Variants in EEIG2 observed in about 807,000 individuals in gnomAD.
EEIG2 encodes EEIG family member 2, also known as family with sequence similarity 102 member B.
the EEIG2 span, among the ~76,000 whole-genome samples, chr1:108,592,681 A>G: frequency 4.6e-5 from 7 of 152,188 alleles, no homozygotes; most frequent in African/African-American, 1.4e-4. Context: ...TTTCGTCTGT[A>G]TACTTAAATG....
chr1:108,600,410 T>C, the EEIG2 span, among the ~76,000 whole-genome samples: 4 of 152,202 alleles, frequency 2.6e-5, no homozygotes, highest in Non-Finnish European at 4.4e-5. Context: ...TCAGATCACA[T>C]TGTTAGGAAT....
chr1:108,626,424 C>T, the EEIG2 span: 1 of 152,178 alleles, frequency 6.6e-6, no homozygotes, highest in Non-Finnish European at 1.5e-5. Context: ...TAGGCATCCT[C>T]AGGTGTCTCT....
At chr1:108,636,235 C>T in the EEIG2 span, 1 of 152,154 alleles carries the variant, frequency 6.6e-6, no homozygotes, top group Admixed American at 6.5e-5. Context: ...AATAAGAATA[C>T]CTGGTCTGGA....
At chr1:108,603,503 G>C in the EEIG2 span, among the ~76,000 whole-genome samples, 2 of 152,194 alleles carry the variant, frequency 1.3e-5, no homozygotes, top group Admixed American at 6.5e-5. Context: ...GGATGAAGGT[G>C]ATCTGCCTCT....
chr1:108,586,828 T>A, the EEIG2 span, among the ~76,000 whole-genome samples: 3 of 152,272 alleles, frequency 2.0e-5, no homozygotes, highest in East Asian at 5.8e-4. Flanking sequence ...GAAGAAACTG[T>A]TTACAACTAT....
At chr1:108,583,390 C>T in the EEIG2 span, among the ~76,000 whole-genome samples, 3 of 151,620 alleles carry the variant, frequency 2.0e-5, no homozygotes, top group African/African-American at 7.3e-5. Flanking sequence ...AGCAATCCAC[C>T]TACCTTGATC....
chr1:108,604,830 A>G, the EEIG2 span, among the ~76,000 whole-genome samples: 1 of 150,534 alleles, frequency 6.6e-6, no homozygotes, highest in African/African-American at 2.4e-5. Flanking sequence ...GAAGTTTGAG[A>G]CAAAACTAGG....
chr1:108,569,115 G>T, the EEIG2 span, among the ~76,000 whole-genome samples: 5 of 152,186 alleles, frequency 3.3e-5, no homozygotes, highest in Admixed American at 2.0e-4. Context: ...ACTATGCTGG[G>T]TGCAGCTGAG....
the EEIG2 span, among the ~76,000 whole-genome samples, chr1:108,619,119 C>T: frequency 6.6e-6 from 1 of 152,138 alleles, no homozygotes; most frequent in African/African-American, 2.4e-5. Flanking sequence ...CTTTCTTGCC[C>T]TTTCTCTTCC....
At chr1:108,589,923 T>C in the EEIG2 span, among the ~76,000 whole-genome samples, 1 of 151,266 alleles carries the variant, frequency 6.6e-6, no homozygotes, top group East Asian at 2.0e-4. Flanking sequence ...CCCAAGTAGC[T>C]AGGATTATAG....
At chr1:108,597,240 G>T in the EEIG2 span, among the ~76,000 whole-genome samples, 36 of 152,122 alleles carry the variant, frequency 2.4e-4, no homozygotes, top group African/African-American at 8.5e-4. Context: ...TTTCTTTGAG[G>T]CTGGTTGGAT....
At chr1:108,588,073 T>C in the EEIG2 span, among the ~76,000 whole-genome samples, 3 of 152,170 alleles carry the variant, frequency 2.0e-5, no homozygotes, top group Non-Finnish European at 4.4e-5. Flanking sequence ...ATTCCATTTA[T>C]GTATATACAT....
chr1:108,600,821 G>A, the EEIG2 span: 1 of 810,658 alleles, frequency 1.2e-6, no homozygotes, highest in Non-Finnish European at 1.8e-6. Context: ...GCTCGCTGCA[G>A]TAATTAAAAT....
At chr1:108,595,944 T>C in the EEIG2 span, among the ~76,000 whole-genome samples, 4 of 152,178 alleles carry the variant, frequency 2.6e-5, no homozygotes, top group Non-Finnish European at 5.9e-5. Context: ...TGCAGAAATA[T>C]TAATCTAGTT....
At chr1:108,637,398 C>A in the EEIG2 span, 8 of 152,020 alleles carry the variant, frequency 5.3e-5, no homozygotes, top group Non-Finnish European at 1.2e-4. Flanking sequence ...TTTCAAAATA[C>A]TCGCTAAGGG....
At chr1:108,596,979 A>G in the EEIG2 span, among the ~76,000 whole-genome samples, 1 of 152,146 alleles carries the variant, frequency 6.6e-6, no homozygotes, top group African/African-American at 2.4e-5. Flanking sequence ...CCCTTCCACC[A>G]GCCTCTCAAA....
At chr1:108,635,283 C>A in the EEIG2 span, 1 of 1,145,868 alleles carries the variant, frequency 8.7e-7, no homozygotes, top group Non-Finnish European at 1.3e-6. Context: ...GGTTTCTTCT[C>A]TGGAAGGACC....
the EEIG2 span, among the ~76,000 whole-genome samples, chr1:108,616,639 G>A: frequency 3.9e-5 from 6 of 152,142 alleles, no homozygotes; most frequent in East Asian, 9.7e-4. Context: ...AATGCTATAG[G>A]TCTTTCATCA....
At chr1:108,603,967 A>G in the EEIG2 span, among the ~76,000 whole-genome samples, 2 of 152,366 alleles carry the variant, frequency 1.3e-5, no homozygotes, top group Admixed American at 1.3e-4. Context: ...GGAATACACA[A>G]GAAAGAAGGT....
Sources: allele counts gnomAD v4.1 joint callset (sites outside exome capture counted in the v4.1 genomes callset), GRCh38; gene constraint gnomAD v4.1.1; transcripts MANE v1.5; gene names NCBI Gene and HGNC (gene_info 2026-07-23, HGNC 2026-07-21).